Variants in PCYT1B observed in about 807,000 individuals in gnomAD.
PCYT1B encodes the protein choline-phosphate cytidylyltransferase B.
A neutral mutation model predicts 26.4 loss-of-function variants in PCYT1B; 10 were observed. The observed-to-expected ratio is 0.38, with a 90% CI of 0.23 to 0.64. PCYT1B has a LOEUF of 0.64. PCYT1B is among the 30% of genes least tolerant of loss of function. The pLI, the probability that PCYT1B is intolerant of heterozygous loss-of-function variation, is 0.56. For synonymous variants in PCYT1B, 131 were observed against 108.4 expected (o/e 1.21, Z -1.29); for missense variants, 161 against 292.7 (o/e 0.55, Z 3.28).
At chrX:24,573,375 A>C (rs1923916391) in intron 7 of PCYT1B, among the ~76,000 whole-genome samples, 1 of 110,772 alleles carries the variant, frequency 9.0e-6, no homozygotes, top group African/African-American at 3.3e-5. Context: ...CATGTTGGCC[A>C]GGCTAGCCTC....
chrX:24,654,777 T>C (rs1462955544), intron 1 of PCYT1B, among the ~76,000 whole-genome samples: 28 of 62,609 alleles, frequency 4.5e-4, no homozygotes, highest in South Asian at 7.9e-4. Context: ...AAAAAAGAAA[T>C]GTATCATGAA....
rs1555963552 is a variant in PCYT1B at position 24,637,509 on chromosome X, T to TAAATAA, written c.117+9479_117+9480insTTATTT. Among the ~76,000 whole-genome samples, 5 of 64,093 alleles carry TAAATAA rather than the reference T, an allele frequency of 7.8e-5. 1 individual carries two copies. The highest frequency in any genetic ancestry group is 4.9e-4 in the African/African-American group (5 of 10,128). The allele number at this position is 64,093 out of a possible 115,157, so 55.7% of individuals were successfully genotyped here. ...AAAAAAAAATATATATATATATATA[T>TAAATAA]ATAAATTAGCTGAGCGTGGTGGCGT... On this transcript the variant is annotated intron_variant, in intron 1 of 7. Transcript: ENST00000379144.
At chrX:24,575,035 G>A (rs1923970569) in intron 7 of PCYT1B, 95 bp downstream of exon 7, 1 of 640,870 alleles carries the variant, frequency 1.6e-6, no homozygotes, top group Non-Finnish European at 2.3e-6. Flanking sequence ...GCATGCAGTG[G>A]ATCTGAGATA....
At chrX:24,566,075 G>A (rs1923619354) in intron 7 of PCYT1B, among the ~76,000 whole-genome samples, 1 of 112,012 alleles carries the variant, frequency 8.9e-6, no homozygotes, top group African/African-American at 3.2e-5. Flanking sequence ...TTAAAAATTT[G>A]TTACAGCTAG....
intron 1 of PCYT1B, among the ~76,000 whole-genome samples, chrX:24,671,496 A>T (rs1927255901): frequency 9.0e-6 from 1 of 111,385 alleles, no homozygotes; most frequent in Non-Finnish European, 1.9e-5. Flanking sequence ...GGGCGAAATG[A>T]TCAATCAGTC....
intron 3 of PCYT1B, among the ~76,000 whole-genome samples, chrX:24,598,965 T>C (rs778047938): frequency 8.9e-6 from 1 of 112,196 alleles, no homozygotes; most frequent in South Asian, 3.7e-4. Context: ...AAGCAAATGA[T>C]AAAAGCATTT....
At chrX:24,604,301 G>A (rs1248940813) in intron 3 of PCYT1B, among the ~76,000 whole-genome samples, 1 of 109,925 alleles carries the variant, frequency 9.1e-6, no homozygotes, top group Non-Finnish European at 1.9e-5. Context: ...ACATTGGCCA[G>A]GCTGGTCTCG....
chrX:24,630,472 T>C (rs1239088997), intron 1 of PCYT1B, among the ~76,000 whole-genome samples: 4 of 110,473 alleles, frequency 3.6e-5, no homozygotes, highest in African/African-American at 1.3e-4. Flanking sequence ...ATTTTTTGTA[T>C]TTTTGCTAGA....
At chrX:24,601,867 G>A (rs1389205518) in intron 3 of PCYT1B, among the ~76,000 whole-genome samples, 2 of 112,183 alleles carry the variant, frequency 1.8e-5, no homozygotes, top group Non-Finnish European at 3.8e-5. Context: ...CAGCCACTTC[G>A]ATCTGCAGTT....
chrX:24,596,852 A>G (rs1924798791), intron 3 of PCYT1B, among the ~76,000 whole-genome samples: 1 of 111,435 alleles, frequency 9.0e-6, no homozygotes, highest in Admixed American at 9.6e-5. Context: ...CTACCTGCAT[A>G]TGGAAAGGGG....
intron 2 of PCYT1B, among the ~76,000 whole-genome samples, chrX:24,610,285 G>A: frequency 1.8e-5 from 2 of 111,633 alleles, no homozygotes; most frequent in Middle Eastern, 4.6e-3. Context: ...ATGATACAAT[G>A]TTTCTAATAA....
chrX:24,661,035 TAA>T (rs993393024), intron 1 of PCYT1B, among the ~76,000 whole-genome samples: 10 of 111,661 alleles, frequency 9.0e-5, no homozygotes, highest in African/African-American at 2.9e-4. Context: ...TATGAATATA[TAA>T]GTTATATTAT....
intron 4 of PCYT1B, among the ~76,000 whole-genome samples, chrX:24,589,333 T>G (rs1215170615): frequency 8.9e-6 from 1 of 111,921 alleles, no homozygotes; most frequent in African/African-American, 3.2e-5. Flanking sequence ...TTGTACTGCT[T>G]ATAAAAGGAA....
chrX:24,602,474 C>G (rs982493946), intron 3 of PCYT1B, among the ~76,000 whole-genome samples: 1 of 110,712 alleles, frequency 9.0e-6, no homozygotes, highest in Non-Finnish European at 1.9e-5. Flanking sequence ...TTATCCAAAC[C>G]CATAGAAGGT....
chrX:24,587,010 T>C (rs1231348142), intron 5 of PCYT1B, among the ~76,000 whole-genome samples: 2 of 112,335 alleles, frequency 1.8e-5, no homozygotes, highest in African/African-American at 6.5e-5. Context: ...AGACCTGAAG[T>C]TGAGCACTTT....
chrX:24,608,405 A>C (rs897282569), intron 2 of PCYT1B, among the ~76,000 whole-genome samples: 1 of 111,870 alleles, frequency 8.9e-6, no homozygotes, highest in Non-Finnish European at 1.9e-5. Context: ...AAATGCTACA[A>C]ATCAGGGCTT....
chrX:24,662,881 G>C (rs185952582), intron 1 of PCYT1B, among the ~76,000 whole-genome samples: 49 of 111,845 alleles, frequency 4.4e-4, no homozygotes, highest in African/African-American at 1.5e-3. Flanking sequence ...TGTTTCCTTT[G>C]CTATGTAAGT....
At chrX:24,619,406 T>C (rs1286280288) in intron 1 of PCYT1B, among the ~76,000 whole-genome samples, 1 of 111,989 alleles carries the variant, frequency 8.9e-6, no homozygotes, top group Non-Finnish European at 1.9e-5. Context: ...TCTATCCTTC[T>C]AGAGCATAGG....
chrX:24,627,403 G>A (rs942917697), intron 1 of PCYT1B, among the ~76,000 whole-genome samples: 32 of 111,239 alleles, frequency 2.9e-4, no homozygotes, highest in African/African-American at 1.0e-3. Context: ...GCGCGATCTC[G>A]GCTCACTACA....
Sources: allele counts gnomAD v4.1 joint callset (sites outside exome capture counted in the v4.1 genomes callset), GRCh38; gene constraint gnomAD v4.1.1; transcripts MANE v1.5; gene names NCBI Gene and HGNC (gene_info 2026-07-23, HGNC 2026-07-21).